Variants in USP37 observed in about 807,000 individuals in gnomAD.
USP37 encodes ubiquitin specific peptidase 37, also known as ubiquitin carboxyl-terminal hydrolase 37.
USP37 carries 27 observed loss-of-function variants against 124.0 expected under a neutral mutation model. That is an observed-to-expected ratio of 0.22 (90% CI 0.16 to 0.30). The LOEUF is 0.30. Ranked by LOEUF, USP37 falls within the 10% of genes least tolerant of loss-of-function variation. USP37 has a pLI of 1.00. For missense variants in USP37, 889 were observed against 1,140.4 expected (o/e 0.78, Z 3.17); for synonymous variants, 365 against 388.0 (o/e 0.94, Z 0.70).
chr2:218,456,278 G>A (rs980006695), intron 24 of USP37, among the ~76,000 whole-genome samples: 5 of 151,552 alleles, frequency 3.3e-5, no homozygotes, highest in Admixed American at 6.6e-5. Flanking sequence ...GCAAGAACCC[G>A]TCCATACAAA....
intron 1 of USP37, among the ~76,000 whole-genome samples, chr2:218,565,934 A>C (rs924068160): frequency 6.6e-6 from 1 of 152,166 alleles, no homozygotes; most frequent in Non-Finnish European, 1.5e-5. Flanking sequence ...CTGTAATCCC[A>C]GGTACTTGGG....
intron 21 of USP37, among the ~76,000 whole-genome samples, chr2:218,464,235 ATTTC>A (rs952457015): frequency 4.7e-5 from 7 of 150,212 alleles, no homozygotes; most frequent in African/African-American, 1.7e-4. Flanking sequence ...GAGAAATTAG[ATTTC>A]TTTTTTTTTT....
At chr2:218,528,357 A>G (rs951778827) in intron 10 of USP37, 1 of 155,226 alleles carries the variant, frequency 6.4e-6, no homozygotes, top group Non-Finnish European at 1.4e-5. Flanking sequence ...ACATGCCATC[A>G]TGGTTTGCTG....
At chr2:218,497,082 T>C (rs547906177) in intron 13 of USP37, among the ~76,000 whole-genome samples, 1 of 152,282 alleles carries the variant, frequency 6.6e-6, no homozygotes, top group East Asian at 1.9e-4. Flanking sequence ...TTTATTTTTA[T>C]TTTTTTGAGA....
In USP37 at chr2:218,483,593, G is replaced by GA. The variant is rs773885068; in HGVS notation, c.1671-1360dup. Among the ~76,000 whole-genome samples the GA allele has an allele frequency of 8.2e-3, 934 of 113,912 alleles. 14 individuals carry two copies. The highest frequency in any genetic ancestry group is 0.045 in the Admixed American group (494 of 10,910). The allele number at this position is 113,912 out of a possible 152,430, so 74.7% of individuals were successfully genotyped here. ...ACCTTTAACACAAGTGATCTACCAG[G>GA]AAAAAAAAAAAAAAGAAAAAAAAGA... On this transcript the variant is annotated intron_variant, in intron 16 of 25. Coordinates refer to ENST00000258399, the MANE Select transcript of USP37 (RefSeq NM_020935.3).
At chr2:218,515,458 A>G (rs1020137785) in intron 10 of USP37, among the ~76,000 whole-genome samples, 12 of 152,212 alleles carry the variant, frequency 7.9e-5, no homozygotes, top group African/African-American at 2.7e-4. Flanking sequence ...AGGATTCCCT[A>G]TTTAATAAAT....
intron 10 of USP37, among the ~76,000 whole-genome samples, chr2:218,525,436 A>G (rs1438604013): frequency 6.6e-6 from 1 of 152,218 alleles, no homozygotes; most frequent in Non-Finnish European, 1.5e-5. Context: ...GTGAGCCATG[A>G]TTATGCCACT....
intron 14 of USP37, 63 bp downstream of exon 14, chr2:218,495,694 TAGA>T (rs1689046912): frequency 3.3e-6 from 5 of 1,494,106 alleles, no homozygotes; most frequent in Non-Finnish European, 4.5e-6. Context: ...TGGTATGTCA[TAGA>T]AGAATTTTAA....
intron 10 of USP37, among the ~76,000 whole-genome samples, chr2:218,524,933 A>G (rs1433000093): frequency 6.6e-6 from 1 of 152,232 alleles, no homozygotes; most frequent in Non-Finnish European, 1.5e-5. Flanking sequence ...TAATAGTAAC[A>G]GTGGTTATGT....
At chr2:218,522,542 G>A (rs115496965) in intron 10 of USP37, among the ~76,000 whole-genome samples, 6,749 of 137,550 alleles carry the variant, frequency 0.049, 470 homozygotes, top group African/African-American at 0.16. Flanking sequence ...CAGCCTAGGT[G>A]ACAGAGGCAA....
rs939585530 is a variant in USP37 at position 218,453,915 on chromosome 2, G to A, written c.*1015C>T. 2 of 152,102 alleles carry A rather than the reference G, an allele frequency of 1.3e-5. No homozygotes were observed. The highest frequency in any genetic ancestry group is 4.8e-5 in the African/African-American group (2 of 41,420). The allele number at this position is 152,102 out of a possible 1,614,324, so 9.4% of individuals were successfully genotyped here. A position where few individuals can be genotyped will look rare whatever the true frequency, so the allele number is the denominator to read the frequency against. ...GTCCAGAATTTTAGCTTTACCAGAA[G>A]AACACTCTTCTTATCCTCCCTATGT... On this transcript the variant is annotated 3_prime_UTR_variant, in exon 26 of 26. Coordinates refer to ENST00000258399, the MANE Select transcript of USP37 (RefSeq NM_020935.3).
At chr2:218,493,330 T>C (rs1307155294) in intron 14 of USP37, among the ~76,000 whole-genome samples, 2 of 152,190 alleles carry the variant, frequency 1.3e-5, no homozygotes, top group Non-Finnish European at 2.9e-5. Flanking sequence ...TCTAGCCACC[T>C]GGTGTGCCTA....
chr2:218,511,637 G>A (rs1419720602), intron 10 of USP37, among the ~76,000 whole-genome samples: 1 of 151,346 alleles, frequency 6.6e-6, no homozygotes, highest in South Asian at 2.1e-4. Context: ...AGTAGAGAAG[G>A]GGTTTCACCA....
chr2:218,505,129 C>T (rs1689611329), intron 11 of USP37, among the ~76,000 whole-genome samples: 1 of 152,076 alleles, frequency 6.6e-6, no homozygotes, highest in African/African-American at 2.4e-5. Context: ...ATCCTCCCAC[C>T]TCAGCCTCCC....
intron 20 of USP37, among the ~76,000 whole-genome samples, chr2:218,470,565 T>C (rs1220514304): frequency 6.6e-6 from 1 of 152,234 alleles, no homozygotes; most frequent in Non-Finnish European, 1.5e-5. Flanking sequence ...TAAACATGGC[T>C]TCAGGCCATG....
chr2:218,550,650 A>C (rs1692615054), intron 5 of USP37, among the ~76,000 whole-genome samples: 2 of 151,244 alleles, frequency 1.3e-5, no homozygotes, highest in South Asian at 2.1e-4. Context: ...AAAAAAAAAA[A>C]CCTCTATGCT....
intron 20 of USP37, among the ~76,000 whole-genome samples, chr2:218,470,485 T>G (rs781366279): frequency 7.0e-4 from 107 of 152,326 alleles, no homozygotes; most frequent in Non-Finnish European, 1.8e-4. Flanking sequence ...ACATAAATCC[T>G]TATCAAATAA....
At chr2:218,552,661 C>A (rs1692729556) in intron 5 of USP37, among the ~76,000 whole-genome samples, 1 of 150,902 alleles carries the variant, frequency 6.6e-6, no homozygotes, top group Admixed American at 6.6e-5. Context: ...GAAAAAAAAA[C>A]CACTATTTTA....
intron 10 of USP37, among the ~76,000 whole-genome samples, chr2:218,521,297 C>T (rs1690605013): frequency 6.6e-6 from 1 of 152,130 alleles, no homozygotes; most frequent in South Asian, 2.1e-4. Context: ...CAGATTTTGT[C>T]CATGCATTCC....
Sources: gnomAD v4.1 joint callset for allele counts (sites outside exome capture counted in the v4.1 genomes callset) on GRCh38, gnomAD v4.1.1 for gene constraint, MANE v1.5 for transcripts, NCBI Gene and HGNC (gene_info 2026-07-23, HGNC 2026-07-21) for gene names.